ABHD12: variants seen among roughly 807,000 people sequenced by gnomAD.
The protein encoded by ABHD12 is abhydrolase domain containing 12, lysophospholipase.
A neutral mutation model predicts 58.3 loss-of-function variants in ABHD12; 43 were observed. The ratio of observed to expected loss-of-function variants is 0.74; its 90% CI spans 0.58 to 0.95. The LOEUF is 0.95. Among genes scored for constraint, ABHD12 ranks in the 40% least tolerant of loss-of-function variants. The probability of loss-of-function intolerance (pLI) is 0.00; values close to 1 mark genes in which losing one functional copy is unlikely to be tolerated. For synonymous variants in ABHD12, 219 were observed against 211.2 expected (o/e 1.04, Z -0.32); for missense variants, 539 against 537.2 (o/e 1.00, Z -0.03).
Position 25,311,933 on chromosome 20 carries a change from C to T in ABHD12, c.620-2358G>A, listed in dbSNP as rs1029459950. Among the ~76,000 whole-genome samples the T allele has an allele frequency of 3.9e-5, 6 of 152,182 alleles. No homozygotes were observed. The East Asian group carries it at 5.8e-4, about 15-fold the overall frequency. On this transcript the variant is annotated intron_variant, in intron 6 of 12. Transcript: ENST00000339157. ...ACGCTGCCCAGGCTTATCTCGAACT[C>T]CTGGTTTCAAGCAATCTGCCCACCT...
intron 1 of ABHD12, among the ~76,000 whole-genome samples, chr20:25,371,633 G>C (rs753524592): frequency 6.6e-6 from 1 of 152,296 alleles, no homozygotes; most frequent in African/African-American, 2.4e-5. Context: ...TCAGAAACTT[G>C]ATAGAAAGGC....
rs867905667 is a variant in ABHD12 at position 25,302,953 on chromosome 20, C to T, written c.1029+597G>A. Among the ~76,000 whole-genome samples the T allele has an allele frequency of 3.3e-5, 5 of 152,328 alleles. No individual in the cohort carries two copies. The South Asian group carries it at 8.3e-4, about 25-fold the overall frequency. On this transcript the variant is annotated intron_variant, in intron 11 of 12. Transcript: ENST00000339157. ...AGTTTGCCCTGCCATTACCAAGACC[C>T]AGGCTGCCTTCTCTTACCCTACTCT... is the stretch of plus-strand genomic sequence containing the variant.
intron 1 of ABHD12, among the ~76,000 whole-genome samples, chr20:25,348,203 C>T (rs1260709614): frequency 6.6e-6 from 1 of 150,510 alleles, no homozygotes; most frequent in Non-Finnish European, 1.5e-5. Context: ...GAGCAAGACT[C>T]TGTCTCAAAA....
chr20:25,334,709 A>G (rs907488079), intron 2 of ABHD12, among the ~76,000 whole-genome samples: 17 of 151,236 alleles, frequency 1.1e-4, no homozygotes, highest in Non-Finnish European at 2.1e-4. Context: ...TGGGGAAAGG[A>G]TTCCCTATTT....
Position 25,317,586 on chromosome 20 carries a change from T to G in ABHD12, c.543-508A>C, listed in dbSNP as rs369465826. ...TGGCACTAACTTCTGTTTGCTGCTG[T>G]GGCCACCCTGCCTTACAGCCCTTCA... On this transcript the variant is annotated intron_variant, in intron 4 of 12. Coordinates refer to ENST00000339157, the MANE Select transcript of ABHD12 (RefSeq NM_001042472.3). 1.2e-3 allele frequency among the ~76,000 whole-genome samples: 179 copies of G among 152,372 alleles called. 1 individual carries two copies. Among genetic ancestry groups the G allele is most frequent in the African/African-American group, 4.1e-3 (171 of 41,588 alleles).
At chr20:25,295,859 C>T (rs577645977), downstream of ABHD12, among the ~76,000 whole-genome samples, 45 of 152,302 alleles carry the variant, frequency 3.0e-4, no homozygotes, top group African/African-American at 1.1e-3. Context: ...TCACTCCCTC[C>T]GTTGAAAAAA....
chr20:25,389,582 G>A (rs2090141510), intron 1 of ABHD12, among the ~76,000 whole-genome samples: 1 of 152,176 alleles, frequency 6.6e-6, no homozygotes, highest in African/African-American at 2.4e-5. Context: ...CAGATAATTA[G>A]GAAACCAGCA....
downstream of ABHD12, chr20:25,300,107 G>T: frequency 1.2e-6 from 1 of 816,266 alleles, no homozygotes; most frequent in Non-Finnish European, 1.5e-6. Flanking sequence ...CATAGTCTGA[G>T]GCTGAGTCAT....
intron 2 of ABHD12, among the ~76,000 whole-genome samples, chr20:25,325,322 A>G (rs933850057): frequency 4.6e-5 from 7 of 151,762 alleles, no homozygotes; most frequent in African/African-American, 1.7e-4. Flanking sequence ...CTGGCCCCTG[A>G]GAGGCCTGGG....
At chr20:25,347,674 T>A (rs1163786921) in intron 1 of ABHD12, among the ~76,000 whole-genome samples, 2 of 149,536 alleles carry the variant, frequency 1.3e-5, no homozygotes, top group Non-Finnish European at 1.5e-5. Flanking sequence ...AAAAAAAAAA[T>A]TAAAAATTAG....
intron 1 of ABHD12, among the ~76,000 whole-genome samples, chr20:25,372,142 T>C (rs969744402): frequency 5.9e-5 from 9 of 152,184 alleles, no homozygotes; most frequent in Admixed American, 3.9e-4. Context: ...GCTGGGATTA[T>C]AGGTATGAGC....
downstream of ABHD12, chr20:25,296,340 C>CAGAGACTA (rs760483371): frequency 2.5e-6 from 4 of 1,613,438 alleles, no homozygotes; most frequent in Non-Finnish European, 3.4e-6. Context: ...CCTGTGACGC[C>CAGAGACTA]AGAGACTAAT....
chr20:25,389,824 C>A (rs1351504321), intron 1 of ABHD12: 1 of 152,280 alleles, frequency 6.6e-6, no homozygotes, highest in Non-Finnish European at 1.5e-5. Context: ...CCGACGGCTG[C>A]GATGCTCCGA....
chr20:25,333,347 G>A lies in ABHD12; in HGVS notation c.316+5880C>T. Among the ~76,000 whole-genome samples, 2 of 120,294 alleles carry A rather than the reference G, an allele frequency of 1.7e-5. 1 individual carries two copies. Among genetic ancestry groups the A allele is most frequent in the Non-Finnish European group, 3.9e-5 (2 of 51,042 alleles). The allele number at this position is 120,294 out of a possible 152,430, so 78.9% of individuals were successfully genotyped here. ...ACCAACCTAACAGAGTCCAGGACCA[G>A]ATGGATTCACAGCTGAATTCTACCA... On this transcript the variant is annotated intron_variant, in intron 2 of 12. Coordinates refer to ENST00000339157, the MANE Select transcript of ABHD12 (RefSeq NM_001042472.3).
In ABHD12 at chr20:25,383,497, C is replaced by T. The variant is rs73331822; in HGVS notation, c.191+7016G>A. On this transcript the variant is annotated intron_variant, in intron 1 of 12. Coordinates refer to ENST00000339157, the MANE Select transcript of ABHD12 (RefSeq NM_001042472.3). Reference sequence around the variant, plus strand: ...TCATGCCTTCAATGCACATTCCCAACAATTCCAGGGCTAATGAAAGGCCCA... The same window carrying T: ...TCATGCCTTCAATGCACATTCCCAATAATTCCAGGGCTAATGAAAGGCCCA... Among the ~76,000 whole-genome samples the T allele has an allele frequency of 6.5e-3, 991 of 152,316 alleles. 15 individuals carry two copies. Among genetic ancestry groups the T allele is most frequent in the African/African-American group, 0.023 (949 of 41,570 alleles).
In ABHD12 at chr20:25,309,576, C is replaced by G. The variant is rs762526719; in HGVS notation, c.620-1G>C. On this transcript the variant is annotated splice_acceptor_variant, in intron 6 of 12. Transcript: ENST00000339157. LOFTEE classifies it high-confidence loss of function. ...GGCGTTCCCACTGAGTCACCCCAAC[C>G]TGGGAGGGAGAAACGGCAGGACGGG... is the stretch of plus-strand genomic sequence containing the variant. 1.2e-6 allele frequency: 2 copies of G among 1,614,090 alleles called. No homozygotes were observed. Among genetic ancestry groups the G allele is most frequent in the Non-Finnish European group, 1.7e-6 (2 of 1,179,970 alleles).
chr20:25,322,345 G>A (rs1342009436), intron 3 of ABHD12, among the ~76,000 whole-genome samples: 1 of 117,962 alleles, frequency 8.5e-6, no homozygotes, highest in Admixed American at 9.8e-5. Flanking sequence ...GTATCTAGAT[G>A]TTCACCTCTT....
chr20:25,372,243 G>C (rs1600868144), intron 1 of ABHD12, among the ~76,000 whole-genome samples: 1 of 150,860 alleles, frequency 6.6e-6, no homozygotes, highest in East Asian at 2.0e-4. Context: ...TAAGAAACAA[G>C]ATCTTACTCT....
intron 1 of ABHD12, among the ~76,000 whole-genome samples, chr20:25,382,940 G>T (rs541572801): frequency 3.4e-5 from 5 of 146,326 alleles, no homozygotes; most frequent in Admixed American, 6.8e-5. Flanking sequence ...TACCAGTTGA[G>T]GGGGGGGGCC....
Sources: allele counts gnomAD v4.1 joint callset (sites outside exome capture counted in the v4.1 genomes callset), GRCh38; gene constraint gnomAD v4.1.1; transcripts MANE v1.5; gene names NCBI Gene and HGNC (gene_info 2026-07-23, HGNC 2026-07-21).